The following LHPP variants were observed in gnomAD, a reference collection of about 807,000 sequenced individuals.
LHPP encodes hLHPP.
LHPP carries 24 observed loss-of-function variants against 30.3 expected under a neutral mutation model. That is an observed-to-expected ratio of 0.79 (90% CI 0.57 to 1.11). LHPP has a LOEUF of 1.11. Among genes scored for constraint, LHPP ranks in the 50% most tolerant of loss-of-function variants. LHPP has a pLI of 0.00. For synonymous variants in LHPP, 150 were observed against 157.1 expected, an observed-to-expected ratio of 0.95 and a Z score of 0.34; for missense variants, 356 against 367.2, an observed-to-expected ratio of 0.97 and a Z score of 0.25.
chr10:124,508,936 G>A (rs1334686982), intron 5 of LHPP, among the ~76,000 whole-genome samples: 1 of 152,086 alleles, frequency 6.6e-6, no homozygotes, highest in Non-Finnish European at 1.5e-5. Context: ...GGTACATTGT[G>A]TGTCTTGGGG....
At chr10:124,492,045 G>T (rs569551252) in intron 3 of LHPP, among the ~76,000 whole-genome samples, 2 of 152,326 alleles carry the variant, frequency 1.3e-5, no homozygotes, top group South Asian at 4.1e-4. Context: ...ACAATACGGA[G>T]CCTCACATTC....
rs1176521302 is a variant in LHPP at position 124,529,791 on chromosome 10, GCACATACACACACACACACACGCA to G, written c.716+12525_716+12548del. Among the ~76,000 whole-genome samples the G allele has an allele frequency of 7.4e-4, 83 of 112,084 alleles. No individual in the cohort carries two copies. The East Asian group carries it at 0.021, about 29-fold the overall frequency. 73.5% of individuals were successfully genotyped at this position (112,084 alleles called of 152,430 possible). A position where few individuals can be genotyped will look rare whatever the true frequency, so the allele number is the denominator to read the frequency against. ...ATGCGGGTCCTAGACACCAGCTCAT[GCACATACACACACACACACACGCA>G]CACACACACACACACACATGCGCAC... On this transcript the variant is annotated intron_variant, in intron 6 of 6. Transcript: ENST00000368842.
At chr10:124,545,570 G>A (rs1308123231) in intron 6 of LHPP, among the ~76,000 whole-genome samples, 1 of 152,156 alleles carries the variant, frequency 6.6e-6, no homozygotes, top group Non-Finnish European at 1.5e-5. Flanking sequence ...AGCTGTCAGC[G>A]GCTGGCAGCT....
At chr10:124,522,011 A>G (rs935760399) in intron 6 of LHPP, among the ~76,000 whole-genome samples, 88 of 152,198 alleles carry the variant, frequency 5.8e-4, no homozygotes, top group African/African-American at 2.0e-3. Context: ...TCTTGTTTTC[A>G]TTATAAAATG....
At chr10:124,612,906 C>T (rs1053923591) in intron 6 of LHPP, 23 of 283,968 alleles carry the variant, frequency 8.1e-5, no homozygotes, top group Admixed American at 3.2e-4. Flanking sequence ...GGGTGAGCCC[C>T]TGGGGAGCCC....
chr10:124,566,315 C>G (rs547630619), intron 6 of LHPP, among the ~76,000 whole-genome samples: 1 of 152,210 alleles, frequency 6.6e-6, no homozygotes, highest in Non-Finnish European at 1.5e-5. Context: ...CCTTTCCCCC[C>G]TGGGGGACAC....
chr10:124,522,043 G>A (rs983701545), intron 6 of LHPP, among the ~76,000 whole-genome samples: 6 of 152,152 alleles, frequency 3.9e-5, no homozygotes, highest in Non-Finnish European at 8.8e-5. Context: ...GTGAAGCCTC[G>A]GGGTTGGGAG....
chr10:124,482,903 A>G (rs1564777181), intron 1 of LHPP, among the ~76,000 whole-genome samples: 1 of 151,988 alleles, frequency 6.6e-6, no homozygotes, highest in African/African-American at 2.4e-5. Context: ...ACCTCCTCCT[A>G]TTCCAACCTG....
At chr10:124,467,544 A>ATC (rs1369454354) in intron 1 of LHPP, among the ~76,000 whole-genome samples, 1 of 142,778 alleles carries the variant, frequency 7.0e-6, no homozygotes, top group Non-Finnish European at 1.5e-5. Flanking sequence ...TTGAGACAGG[A>ATC]TCTTGATCTG....
intron 6 of LHPP, among the ~76,000 whole-genome samples, chr10:124,582,830 C>T (rs1266660094): frequency 6.7e-6 from 1 of 148,516 alleles, no homozygotes; most frequent in Non-Finnish European, 1.5e-5. Context: ...CATGGTGAAA[C>T]CTTGTCTCTA....
intron 5 of LHPP, among the ~76,000 whole-genome samples, chr10:124,507,833 C>G (rs1390411711): frequency 1.0e-4 from 5 of 47,686 alleles, no homozygotes; most frequent in Admixed American, 6.0e-4. Flanking sequence ...GGAGGGTAGA[C>G]AGGATTTCAG....
chr10:124,462,050 G>T (rs1248734708), intron 1 of LHPP, 63 bp downstream of exon 1: 4 of 1,181,722 alleles, frequency 3.4e-6, no homozygotes, highest in Non-Finnish European at 4.2e-6. Flanking sequence ...CTCCCTGGCT[G>T]CCGGCAGGGG....
At chr10:124,569,625 C>T (rs527938120) in intron 6 of LHPP, among the ~76,000 whole-genome samples, 2 of 152,328 alleles carry the variant, frequency 1.3e-5, no homozygotes, top group East Asian at 3.9e-4. Flanking sequence ...TTACTGCACT[C>T]TGTGGCCCTG....
At chr10:124,493,569 A>G (rs929496324) in intron 3 of LHPP, among the ~76,000 whole-genome samples, 1 of 152,138 alleles carries the variant, frequency 6.6e-6, no homozygotes. Context: ...TAAGCTGTTT[A>G]CCCGACAGAC....
intron 6 of LHPP, among the ~76,000 whole-genome samples, chr10:124,607,813 C>T (rs1391813046): frequency 6.6e-6 from 1 of 152,224 alleles, no homozygotes; most frequent in Non-Finnish European, 1.5e-5. Context: ...CAGATGGGAA[C>T]TGGCTGCGGT....
chr10:124,504,933 G>A (rs964527867), intron 5 of LHPP, among the ~76,000 whole-genome samples: 5 of 152,156 alleles, frequency 3.3e-5, no homozygotes, highest in African/African-American at 9.7e-5. Context: ...TTCCTGGTGG[G>A]TCACCGTGGC....
At chr10:124,567,059 A>G (rs538212748) in intron 6 of LHPP, among the ~76,000 whole-genome samples, 26 of 152,194 alleles carry the variant, frequency 1.7e-4, no homozygotes, top group Non-Finnish European at 2.9e-4. Context: ...GCGGGGGTCC[A>G]GGTGGCCTGA....
chr10:124,508,407 A>T (rs1288124764), intron 5 of LHPP, among the ~76,000 whole-genome samples: 4 of 152,118 alleles, frequency 2.6e-5, no homozygotes, highest in African/African-American at 9.7e-5. Context: ...CCCTGGTTTG[A>T]ATTGGAAACT....
At chr10:124,516,951 A>G (rs1185820250) in intron 5 of LHPP, among the ~76,000 whole-genome samples, 4 of 152,248 alleles carry the variant, frequency 2.6e-5, no homozygotes, top group South Asian at 4.1e-4. Flanking sequence ...TTGATTTCAA[A>G]TTGCACAGAT....
Sources: allele counts gnomAD v4.1 joint callset (sites outside exome capture counted in the v4.1 genomes callset), GRCh38; gene constraint gnomAD v4.1.1; transcripts MANE v1.5; gene names NCBI Gene and HGNC (gene_info 2026-07-23, HGNC 2026-07-21).